The following LAMA5 variants were observed in gnomAD, a reference collection of about 807,000 sequenced individuals.
The protein encoded by LAMA5 is laminin subunit alpha-5.
In LAMA5, 260 loss-of-function variants were observed where a neutral mutation model predicts 433.4. The observed-to-expected ratio is 0.60, with a 90% CI of 0.54 to 0.66. The LOEUF (loss-of-function observed/expected upper bound fraction) is 0.66. Among genes scored for constraint, LAMA5 ranks in the 30% least tolerant of loss-of-function variants. The pLI, the probability that LAMA5 is intolerant of heterozygous loss-of-function variation, is 0.00. For synonymous variants in LAMA5, 2,620 were observed against 2,226.6 expected (o/e 1.18, Z -4.97); for missense variants, 5,378 against 5,258.5 (o/e 1.02, Z -0.70).
intron 35 of LAMA5, 98 bp from the exon 36 acceptor site, chr20:62,328,108 A>G: frequency 6.5e-7 from 1 of 1,545,526 alleles, no homozygotes; most frequent in East Asian, 2.3e-5. Flanking sequence ...ATCCTCCCAG[A>G]AGTGGAGGAG....
rs769665074 is a variant in LAMA5, at chr20:62,333,261, G to A, written c.3129-18C>T. The A allele has an allele frequency of 3.7e-5, 57 of 1,560,584 alleles. No homozygotes were observed. The South Asian group carries it at 6.0e-4, about 16-fold the overall frequency. On this transcript the variant is annotated intron_variant, in intron 25 of 79. Transcript: ENST00000252999. ...GGAGGCAGCTGGGGGGACACAGGCCGTGGTCAGCCCCAGGTCCACCCAGGT... is the reference window on the plus strand; with the variant it reads ...GGAGGCAGCTGGGGGGACACAGGCCATGGTCAGCCCCAGGTCCACCCAGGT...
chr20:62,335,704 T>C (rs551884741), intron 18 of LAMA5, among the ~76,000 whole-genome samples: 12 of 70,310 alleles, frequency 1.7e-4, no homozygotes, highest in Admixed American at 5.5e-4. Context: ...TAACACCCCC[T>C]CCAGAGCACA....
At chr20:62,354,009 A>C (rs13041413) in intron 2 of LAMA5, among the ~76,000 whole-genome samples, 6,893 of 152,156 alleles carry the variant, frequency 0.045, 195 homozygotes, top group African/African-American at 0.079. Flanking sequence ...AGCCCTGCCC[A>C]GGGCAGAGGA....
Position 62,328,002 on chromosome 20 carries a change from G to A in LAMA5, c.4661C>T (p.Pro1554Leu). The change falls in exon 36 of 80, where the codon CCC (proline) becomes CTC (leucine). Residue 1554 changes from proline (P) to leucine (L), a missense_variant. Pro to Leu is a moderately conservative substitution (Grantham distance 98). Transcript: ENST00000252999. ...ATCACAGCGGCGCCCAGTCACGTTGGGTCTGCACCTGTGGCAGGGGCGGGA... is the reference window on the plus strand; with the variant it reads ...ATCACAGCGGCGCCCAGTCACGTTGAGTCTGCACCTGTGGCAGGGGCGGGA... ...DTDSGQCKCR[P>L]NVTGRRCDTC... is the part of the protein sequence containing the mutation. The A allele has an allele frequency of 6.2e-7, 1 of 1,611,822 alleles. No individual in the cohort carries two copies. The highest frequency in any genetic ancestry group is 8.5e-7 in the Non-Finnish European group (1 of 1,179,816).
At chr20:62,335,577 C>A (rs1480388068) in intron 18 of LAMA5, among the ~76,000 whole-genome samples, 1 of 145,470 alleles carries the variant, frequency 6.9e-6, no homozygotes, top group African/African-American at 2.6e-5. Flanking sequence ...AACCCCTGTA[C>A]CCCAACACTC....
At chr20:62,325,916 G>GC (rs1979204066) in intron 40 of LAMA5, among the ~76,000 whole-genome samples, 1 of 152,188 alleles carries the variant, frequency 6.6e-6, no homozygotes, top group Non-Finnish European at 1.5e-5. Context: ...TAACTATAAG[G>GC]CCGTTCATCA....
At chr20:62,358,086 C>A (rs1335170667) in intron 2 of LAMA5, among the ~76,000 whole-genome samples, 2 of 151,386 alleles carry the variant, frequency 1.3e-5, no homozygotes, top group Non-Finnish European at 2.9e-5. Flanking sequence ...CCTTTGGGGA[C>A]CACCAGGGCC....
At chr20:62,328,815 A>C (rs1170584159) in intron 34 of LAMA5, 29 bp downstream of exon 34, 10 of 1,602,994 alleles carry the variant, frequency 6.2e-6, no homozygotes, top group Non-Finnish European at 8.5e-6. Flanking sequence ...ACTCCCTGCC[A>C]CTGGGCGCCC....
chr20:62,330,313 C>T lies in LAMA5; in HGVS notation c.3979+175G>A, dbSNP rs74670904. On this transcript the variant is annotated intron_variant, in intron 31 of 79. Coordinates refer to ENST00000252999, the MANE Select transcript of LAMA5 (RefSeq NM_005560.6). ...GGCGAGACCCAGGCTTTTCTGGGAA[C>T]GGGAGCGGGCGGGTAGGGGCTGCGG... 5.3e-3 allele frequency among the ~76,000 whole-genome samples: 814 copies of T among 152,328 alleles called. 8 individuals are homozygous for T. Among genetic ancestry groups the T allele is most frequent in the African/African-American group, 0.019 (785 of 41,578 alleles).
rs113149937 is a variant in LAMA5 at position 62,320,840 on chromosome 20, C to T, written c.6547G>A (p.Ala2183Thr). The change falls in exon 49 of 80, where the codon GCC becomes ACC. Residue 2183 changes from alanine (A) to threonine (T), a missense_variant. Ala to Thr is a moderately conservative substitution (Grantham distance 58). Transcript: ENST00000252999. ...TGCTCGTGAATGGCGGGGAGGAGGG[C>T]GCCGGCCCGTTCCAGGTCATCCAGG... ...LLLDDLERAG[A>T]LLPAIHEQLR... 1.8e-4 allele frequency: 298 copies of T among 1,612,408 alleles called. 2 individuals carry two copies. In the African/African-American group the frequency reaches 1.9e-3, roughly 10 times the overall value.
chr20:62,318,905 C>G lies in LAMA5; in HGVS notation c.6980G>C (p.Arg2327Pro). The change falls in exon 52 of 80, where the codon CGG (arginine) becomes CCG (proline). Residue 2327 changes from arginine to proline, a missense_variant. Physicochemically the swap from Arg to Pro is moderately radical, Grantham distance 103. Transcript: ENST00000252999. Reference sequence around the variant, plus strand: ...CTGCGGGGCCCCCAGGTCCCGGGCCCGCATCTCCCAGAGCAGCCGCTCCAC... The same window carrying G: ...CTGCGGGGCCCCCAGGTCCCGGGCCGGCATCTCCCAGAGCAGCCGCTCCAC... ...AEVERLLWEM[R>P]ARDLGAPQAA... is the part of the protein sequence containing the mutation. 3 of 1,605,234 alleles carry G rather than the reference C, an allele frequency of 1.9e-6. No individual in the cohort carries two copies. Among genetic ancestry groups the G allele is most frequent in the East Asian group, 2.2e-5 (1 of 44,692 alleles).
chr20:62,329,913 T>TG lies in LAMA5; in HGVS notation c.3982dup (p.His1328ProfsTer20). 6.2e-7 allele frequency: 1 copy of TG among 1,611,036 alleles called. No individual in the cohort carries two copies. Among genetic ancestry groups the TG allele is most frequent in the Non-Finnish European group, 8.5e-7 (1 of 1,179,650 alleles). On this transcript the variant is annotated frameshift_variant, in exon 32 of 80. Transcript: ENST00000252999. LOFTEE classifies it high-confidence loss of function. The stretch of plus-strand genomic sequence containing the variant: ...ATGTGGACAGAAGCTGGCGTTGGCG[T>TG]GGCCTGGGCGGGGGAGAAAGGCAGG...
intron 62 of LAMA5, 102 bp downstream of exon 62, chr20:62,314,202 G>A (rs1986678982): frequency 2.1e-6 from 3 of 1,406,306 alleles, no homozygotes; most frequent in African/African-American, 1.4e-5. Context: ...GAGTGGGCAT[G>A]GAGAGGTGAA....
rs1198678636 is a variant in LAMA5, at chr20:62,367,300, G to C, written c.-55C>G. 2 of 1,120,414 alleles carry C rather than the reference G, an allele frequency of 1.8e-6. No homozygotes were observed. The highest frequency in any genetic ancestry group is 2.2e-6 in the Non-Finnish European group (2 of 915,586). The allele number at this position is 1,120,414 out of a possible 1,614,324, so 69.4% of individuals were successfully genotyped here. On this transcript the variant is annotated 5_prime_UTR_variant, in exon 1 of 80. Coordinates refer to ENST00000252999, the MANE Select transcript of LAMA5 (RefSeq NM_005560.6). ...TCCAGGGACAGCGCGCGCGGCGGGA[G>C]CCCGGCGGGTCTGAAGCCAGGCGGC...
At chr20:62,309,880 GCCTCT>G in intron 78 of LAMA5, 45 bp from the exon 79 acceptor site, 1 of 1,608,468 alleles carries the variant, frequency 6.2e-7, no homozygotes, top group Non-Finnish European at 8.5e-7. Flanking sequence ...CCTCAGCCCA[GCCTCT>G]CTCCAGCCCC....
chr20:62,359,059 T>C lies in LAMA5; in HGVS notation c.450+3341A>G, dbSNP rs1000470314. Reference sequence around the variant, plus strand: ...CTTGACCCCCACCTGGGCCTCCCCATTTGCCCTGCAGCTCTGGGCCTCGGG... The same window carrying C: ...CTTGACCCCCACCTGGGCCTCCCCACTTGCCCTGCAGCTCTGGGCCTCGGG... On this transcript the variant is annotated intron_variant, in intron 2 of 79. Transcript: ENST00000252999. This position sits in a 1 kb window ranked among gnomAD's most constrained non-coding sequence, Gnocchi z 4.3. 5.9e-5 allele frequency among the ~76,000 whole-genome samples: 9 copies of C among 151,344 alleles called. No homozygotes were observed. Among genetic ancestry groups the C allele is most frequent in the Admixed American group, 3.3e-4 (5 of 15,246 alleles).
chr20:62,316,841 G>A, intron 56 of LAMA5, 41 bp downstream of exon 56: 1 of 1,540,236 alleles, frequency 6.5e-7, no homozygotes, highest in Non-Finnish European at 8.8e-7. Context: ...CAGGCAGTGG[G>A]GGCGCTCCTG....
Position 62,333,654 on chromosome 20 carries a change from G to T in LAMA5, c.2931C>A (p.Phe977Leu). Residue 977 changes from phenylalanine to leucine, a missense_variant, in exon 24 of 80, where the codon TTC (phenylalanine) becomes TTA (leucine). Transcript: ENST00000252999. ...VAFPPSTEPA[F>L]ITVPQRGFGE... ...CGAAGCCCCTCTGGGGCACGGTGAT[G>T]AAGGCAGGCTCCGTGCTGGGTGGGA... is the stretch of plus-strand genomic sequence containing the variant. 1 of 1,593,772 alleles carries T rather than the reference G, an allele frequency of 6.3e-7. No homozygotes were observed.
chr20:62,340,305 GTTTTTTTTTTTT>G (rs34415039), intron 11 of LAMA5, among the ~76,000 whole-genome samples: 2 of 99,464 alleles, frequency 2.0e-5, no homozygotes, highest in African/African-American at 3.8e-5. Context: ...AGCCTCCTTT[GTTTTTTTTTTTT>G]TTTTTTTTTT....
Sources: gnomAD v4.1 joint callset for allele counts (sites outside exome capture counted in the v4.1 genomes callset) on GRCh38, gnomAD v4.1.1 for gene constraint, Gnocchi (gnomAD v3.1) non-coding constraint, MANE v1.5 for transcripts, NCBI Gene and HGNC (gene_info 2026-07-23, HGNC 2026-07-21) for gene names.